Variants in CHSY3 observed in about 807,000 individuals in gnomAD.
CHSY3 encodes the protein N-acetylgalactosaminyl-proteoglycan 3-beta-glucuronosyltransferase 3.
In CHSY3, 35 loss-of-function variants were observed where a neutral mutation model predicts 67.2. The observed-to-expected ratio is 0.52, with a 90% CI of 0.40 to 0.69. The LOEUF (loss-of-function observed/expected upper bound fraction) is 0.69. Among genes scored for constraint, CHSY3 ranks in the 30% least tolerant of loss-of-function variants. CHSY3 has a pLI of 0.00. For missense variants in CHSY3, 1,069 were observed against 1,138.5 expected (o/e 0.94, Z 0.88); for synonymous variants, 474 against 434.7 (o/e 1.09, Z -1.12).
intron 2 of CHSY3, among the ~76,000 whole-genome samples, chr5:130,014,847 A>C (rs1764171534): frequency 6.6e-6 from 1 of 152,182 alleles, no homozygotes; most frequent in African/African-American, 2.4e-5. Flanking sequence ...AAAACCAAAA[A>C]TTGACAAGTG....
intron 2 of CHSY3, among the ~76,000 whole-genome samples, chr5:129,945,601 A>G (rs912984008): frequency 9.9e-5 from 15 of 152,156 alleles, no homozygotes; most frequent in African/African-American, 3.6e-4. Flanking sequence ...AAACTGCTAT[A>G]TGAGGACTTG....
chr5:129,993,364 A>G (rs1763427473), intron 2 of CHSY3, among the ~76,000 whole-genome samples: 1 of 152,106 alleles, frequency 6.6e-6, no homozygotes, highest in Non-Finnish European at 1.5e-5. Context: ...GTAGGTGTCT[A>G]ATAACTTGCT....
intron 2 of CHSY3, among the ~76,000 whole-genome samples, chr5:130,081,148 T>C (rs1186259561): frequency 6.6e-6 from 1 of 152,142 alleles, no homozygotes; most frequent in Non-Finnish European, 1.5e-5. Context: ...GATTTCGGTC[T>C]TTCTTCCTGT....
At chr5:130,095,350 C>A (rs1447303865) in intron 2 of CHSY3, among the ~76,000 whole-genome samples, 1 of 152,110 alleles carries the variant, frequency 6.6e-6, no homozygotes, top group African/African-American at 2.4e-5. Flanking sequence ...AGGGAAAATA[C>A]AAGTTGCATC....
chr5:129,906,890 AAGGAATT>A (rs1610885), intron 1 of CHSY3, among the ~76,000 whole-genome samples: 75,445 of 151,340 alleles, frequency 0.5, 19,479 homozygotes, highest in Middle Eastern at 0.59. Context: ...ATTTTGGCAC[AAGGAATT>A]AGTGTAATCA....
chr5:130,109,313 AC>A (rs1408189467), intron 2 of CHSY3, among the ~76,000 whole-genome samples: 1 of 151,666 alleles, frequency 6.6e-6, no homozygotes, highest in Non-Finnish European at 1.5e-5. Context: ...CTAGAGAAGC[AC>A]AAAAATGCCA....
At chr5:130,008,613 A>T (rs1763955537) in intron 2 of CHSY3, among the ~76,000 whole-genome samples, 1 of 152,222 alleles carries the variant, frequency 6.6e-6, no homozygotes. Context: ...ATGGTTCATA[A>T]TCAGACTGAA....
At chr5:129,913,621 GAT>G (rs1760640158) in intron 2 of CHSY3, among the ~76,000 whole-genome samples, 1 of 151,986 alleles carries the variant, frequency 6.6e-6, no homozygotes, top group South Asian at 2.1e-4. Flanking sequence ...TTTTAATTCT[GAT>G]TATTGTTCTT....
chr5:129,907,115 T>C (rs1173029217), intron 1 of CHSY3, among the ~76,000 whole-genome samples: 20 of 152,208 alleles, frequency 1.3e-4, no homozygotes, highest in Admixed American at 1.3e-3. Flanking sequence ...AAAGGTTTCC[T>C]GGCAGAAGTT....
intron 2 of CHSY3, among the ~76,000 whole-genome samples, chr5:129,951,244 T>C (rs1157112033): frequency 6.6e-6 from 1 of 152,050 alleles, no homozygotes; most frequent in Non-Finnish European, 1.5e-5. Flanking sequence ...CAAAGTCAAC[T>C]CAAAATGAAT....
At chr5:129,920,272 C>T (rs1355375728) in intron 2 of CHSY3, among the ~76,000 whole-genome samples, 3 of 152,170 alleles carry the variant, frequency 2.0e-5, no homozygotes, top group African/African-American at 7.2e-5. Context: ...GAGACAGAGT[C>T]TTACTCTGTC....
chr5:130,081,851 C>T (rs1766456964), intron 2 of CHSY3, among the ~76,000 whole-genome samples: 1 of 152,074 alleles, frequency 6.6e-6, no homozygotes, highest in Non-Finnish European at 1.5e-5. Flanking sequence ...GATGTTTCTT[C>T]ATAGCAGTAA....
chr5:130,119,504 C>T (rs1421048745), intron 2 of CHSY3, among the ~76,000 whole-genome samples: 2 of 152,060 alleles, frequency 1.3e-5, no homozygotes, highest in African/African-American at 2.4e-5. Context: ...CAGGGAGGAG[C>T]TCCCCATGGC....
chr5:130,183,703 T>C (rs1025808157), intron 2 of CHSY3, among the ~76,000 whole-genome samples: 27 of 152,182 alleles, frequency 1.8e-4, no homozygotes, highest in Non-Finnish European at 3.4e-4. Flanking sequence ...AAAAAGTTGA[T>C]TTCATAGGAC....
At chr5:130,091,447 C>T (rs1385923250) in intron 2 of CHSY3, among the ~76,000 whole-genome samples, 1 of 152,138 alleles carries the variant, frequency 6.6e-6, no homozygotes, top group Admixed American at 6.5e-5. Context: ...AAGGAAAATT[C>T]TAAGTACTCA....
chr5:130,174,735 T>C (rs1045669736), intron 2 of CHSY3, among the ~76,000 whole-genome samples: 5 of 152,202 alleles, frequency 3.3e-5, no homozygotes, highest in African/African-American at 1.2e-4. Flanking sequence ...CAAATACTCA[T>C]TTAACACTAA....
intron 2 of CHSY3, among the ~76,000 whole-genome samples, chr5:130,157,774 C>T (rs998230209): frequency 1.3e-4 from 5 of 37,714 alleles, no homozygotes; most frequent in African/African-American, 5.5e-4. Context: ...CAGTGGCATG[C>T]GCCACTGGTT....
intron 2 of CHSY3, among the ~76,000 whole-genome samples, chr5:130,113,802 C>T (rs566053804): frequency 1.3e-5 from 2 of 152,270 alleles, no homozygotes; most frequent in African/African-American, 2.4e-5. Flanking sequence ...TAAAAACCAA[C>T]TATATTCTAC....
chr5:130,008,829 T>C (rs1361624243), intron 2 of CHSY3, among the ~76,000 whole-genome samples: 2 of 152,210 alleles, frequency 1.3e-5, no homozygotes, highest in African/African-American at 4.8e-5. Flanking sequence ...TTCGAAGTAT[T>C]CACAGCAGAG....
Sources: allele counts gnomAD v4.1 joint callset (sites outside exome capture counted in the v4.1 genomes callset), GRCh38; gene constraint gnomAD v4.1.1; transcripts MANE v1.5; gene names NCBI Gene and HGNC (gene_info 2026-07-23, HGNC 2026-07-21).